Variants in SRD5A2 observed in about 807,000 individuals in gnomAD.
The protein encoded by SRD5A2 is steroid 5 alpha-reductase 2, also known as 3-oxo-5-alpha-steroid 4-dehydrogenase 2.
SRD5A2 carries 30 observed loss-of-function variants against 27.4 expected under a neutral mutation model. That is an observed-to-expected ratio of 1.10 (90% CI 0.82 to 1.49). The LOEUF (loss-of-function observed/expected upper bound fraction) is 1.49. Ranked by LOEUF, SRD5A2 falls within the 40% of genes most tolerant of loss-of-function variation. The probability of loss-of-function intolerance (pLI) is 0.00; values close to 1 mark genes in which losing one functional copy is unlikely to be tolerated. For synonymous variants in SRD5A2, 141 were observed against 133.6 expected, an observed-to-expected ratio of 1.06 and a Z score of -0.38; for missense variants, 348 against 323.4, an observed-to-expected ratio of 1.08 and a Z score of -0.58.
chr2:31,549,892 G>A (rs1666349604), intron 1 of SRD5A2, among the ~76,000 whole-genome samples: 1 of 152,118 alleles, frequency 6.6e-6, no homozygotes, highest in African/African-American at 2.4e-5. Context: ...CAACCAACAA[G>A]ATATAATCAA....
the SRD5A2 span, among the ~76,000 whole-genome samples, chr2:31,598,405 T>C: frequency 1.3e-5 from 2 of 151,690 alleles, no homozygotes; most frequent in Non-Finnish European, 2.9e-5. Context: ...AAAGAACTTA[T>C]CCATGTAATG....
chr2:31,589,524 C>T, the SRD5A2 span, among the ~76,000 whole-genome samples: 1 of 152,200 alleles, frequency 6.6e-6, no homozygotes, highest in Non-Finnish European at 1.5e-5. Context: ...GAGAACACCT[C>T]CATTGGGGAA....
intron 1 of SRD5A2, among the ~76,000 whole-genome samples, chr2:31,541,988 C>G (rs921295591): frequency 6.6e-6 from 1 of 152,166 alleles, no homozygotes; most frequent in Non-Finnish European, 1.5e-5. Flanking sequence ...GGATCCTAAA[C>G]AAACTTGAGA....
At chr2:31,586,504 G>A in the SRD5A2 span, among the ~76,000 whole-genome samples, 21 of 152,086 alleles carry the variant, frequency 1.4e-4, no homozygotes, top group African/African-American at 3.6e-4. Flanking sequence ...GGTGTCCTCA[G>A]GGGTGCTGGT....
the SRD5A2 span, among the ~76,000 whole-genome samples, chr2:31,594,707 A>G: frequency 6.6e-6 from 1 of 152,288 alleles, no homozygotes; most frequent in East Asian, 1.9e-4. Context: ...TAACAAATGG[A>G]CTTAACAGGT....
chr2:31,541,620 T>A (rs2148072248), intron 1 of SRD5A2, among the ~76,000 whole-genome samples: 1 of 128,724 alleles, frequency 7.8e-6, no homozygotes, highest in African/African-American at 3.0e-5. Flanking sequence ...AAACAGGAAA[T>A]CAGATAAGCA....
chr2:31,580,974 G>A (rs1288537539), upstream of SRD5A2: 4 of 1,465,684 alleles, frequency 2.7e-6, no homozygotes, highest in African/African-American at 2.8e-5. Context: ...TTTATGGAGC[G>A]CCAGACGCCA....
intron 1 of SRD5A2, among the ~76,000 whole-genome samples, chr2:31,544,271 A>G (rs1338358412): frequency 6.6e-6 from 1 of 151,992 alleles, no homozygotes; most frequent in African/African-American, 2.4e-5. Flanking sequence ...TCAAAAATGA[A>G]TAGAATAACT....
chr2:31,583,651 C>CAAAAAAAAAA (rs1558379512), upstream of SRD5A2, among the ~76,000 whole-genome samples: 7 of 66,512 alleles, frequency 1.1e-4, no homozygotes, highest in African/African-American at 1.9e-4. Flanking sequence ...AAAAAAAAAA[C>CAAAAAAAAAA]CAAAAAAAAA....
the SRD5A2 span, among the ~76,000 whole-genome samples, chr2:31,614,493 T>C: frequency 6.6e-6 from 1 of 152,090 alleles, no homozygotes; most frequent in East Asian, 1.9e-4. Context: ...TGGCATTGAG[T>C]GTCTGTGGTT....
the SRD5A2 span, among the ~76,000 whole-genome samples, chr2:31,617,617 G>A: frequency 2.0e-5 from 3 of 151,868 alleles, no homozygotes; most frequent in Non-Finnish European, 4.4e-5. Flanking sequence ...TTATTCCCTG[G>A]GATGCCCTAA....
At chr2:31,593,817 GA>G in the SRD5A2 span, among the ~76,000 whole-genome samples, 1 of 152,158 alleles carries the variant, frequency 6.6e-6, no homozygotes, top group Non-Finnish European at 1.5e-5. Context: ...AGTCTATAAA[GA>G]AAAACCTGTC....
chr2:31,558,560 T>G (rs1026090915), intron 1 of SRD5A2, among the ~76,000 whole-genome samples: 14 of 152,200 alleles, frequency 9.2e-5, no homozygotes, highest in Non-Finnish European at 1.9e-4. Flanking sequence ...ATCGTCCCGG[T>G]GTTTCCCTGT....
Position 31,577,162 on chromosome 2 carries a change from TAA to T in SRD5A2, c.281+3456_281+3457del, listed in dbSNP as rs10683997. On this transcript the variant is annotated intron_variant, in intron 1 of 4. Coordinates refer to ENST00000622030, the MANE Select transcript of SRD5A2 (RefSeq NM_000348.4). ...TAGAGTATAATAAAAAAAAAAACAT[TAA>T]AAAAAAAAAAAAAAAAAAGAGGTGA... Among the ~76,000 whole-genome samples the T allele has an allele frequency of 5.0e-3, 286 of 57,170 alleles. 3 individuals carry two copies. Among genetic ancestry groups the T allele is most frequent in the African/African-American group, 0.018 (252 of 13,682 alleles). The allele number at this position is 57,170 out of a possible 152,430, so 37.5% of individuals were successfully genotyped here.
chr2:31,661,227 A>G, the SRD5A2 span, among the ~76,000 whole-genome samples: 1 of 152,152 alleles, frequency 6.6e-6, no homozygotes, highest in African/African-American at 2.4e-5. Context: ...TACCATTTCC[A>G]TTTGACAAGT....
chr2:31,566,832 T>C (rs991383143), intron 1 of SRD5A2, among the ~76,000 whole-genome samples: 13 of 152,194 alleles, frequency 8.5e-5, no homozygotes, highest in African/African-American at 3.1e-4. Context: ...ATTTCTTCTA[T>C]AAGGTATAAT....
chr2:31,582,342 G>A (rs1166086357), upstream of SRD5A2, among the ~76,000 whole-genome samples: 1 of 152,150 alleles, frequency 6.6e-6, no homozygotes, highest in Non-Finnish European at 1.5e-5. Flanking sequence ...CTGATTCTTG[G>A]CACACATGGT....
At chr2:31,583,663 C>CAAAAAA (rs796349594), upstream of SRD5A2, among the ~76,000 whole-genome samples, 6 of 97,220 alleles carry the variant, frequency 6.2e-5, no homozygotes, top group African/African-American at 2.6e-4. Flanking sequence ...AAAAAAAAAG[C>CAAAAAA]AAAAAAAAAA....
chr2:31,529,572 G>T (rs1665860188), intron 3 of SRD5A2, 115 bp from the exon 4 acceptor site: 4 of 1,398,170 alleles, frequency 2.9e-6, no homozygotes, highest in Non-Finnish European at 2.9e-6. Flanking sequence ...GGGGCTGGAG[G>T]CTCCCTCCAT....
Sources: gnomAD v4.1 joint callset for allele counts (sites outside exome capture counted in the v4.1 genomes callset) on GRCh38, gnomAD v4.1.1 for gene constraint, MANE v1.5 for transcripts, NCBI Gene and HGNC (gene_info 2026-07-23, HGNC 2026-07-21) for gene names.